The following AMPD3 variants were observed in gnomAD, a reference collection of about 807,000 sequenced individuals.
AMPD3 encodes adenosine monophosphate deaminase 3.
In AMPD3, 57 loss-of-function variants were observed where a neutral mutation model predicts 82.3. The ratio of observed to expected loss-of-function variants is 0.69; its 90% CI spans 0.56 to 0.86. AMPD3 has a LOEUF of 0.86. Ranked by LOEUF, AMPD3 falls within the 40% of genes least tolerant of loss-of-function variation. The probability of loss-of-function intolerance (pLI) is 0.00; values close to 1 mark genes in which losing one functional copy is unlikely to be tolerated. For missense variants in AMPD3, 870 were observed against 1,003.8 expected, an observed-to-expected ratio of 0.87 and a Z score of 1.80; for synonymous variants, 381 against 394.7, an observed-to-expected ratio of 0.97 and a Z score of 0.41.
At chr11:10,450,716 G>C (rs528385857), upstream of AMPD3, 5 of 1,096,006 alleles carry the variant, frequency 4.6e-6, no homozygotes, top group Non-Finnish European at 4.4e-6. Flanking sequence ...GGCGCGGCCC[G>C]GGCGCTTCAG....
At chr11:10,461,214 C>T (rs997661159) in intron 1 of AMPD3, 3 of 1,270,930 alleles carry the variant, frequency 2.4e-6, no homozygotes, top group Non-Finnish European at 2.0e-6. Flanking sequence ...GAGGGCAGGG[C>T]TGCCAGGTGC....
chr11:10,465,137 T>C (rs1848382589), intron 2 of AMPD3, among the ~76,000 whole-genome samples: 1 of 152,226 alleles, frequency 6.6e-6, no homozygotes, highest in South Asian at 2.1e-4. Context: ...GCGCAGTGCT[T>C]GGAGCACCAT....
At chr11:10,502,456 G>C in intron 12 of AMPD3, 1 of 985,478 alleles carries the variant, frequency 1.0e-6, no homozygotes, top group Non-Finnish European at 1.2e-6. Context: ...CTTGCCTCCA[G>C]TTTGGAGCAA....
chr11:10,495,019 CG>C lies in AMPD3; in HGVS notation c.1257del (p.Met420TrpfsTer101), dbSNP rs762492194. 1 of 1,614,172 alleles carries C rather than the reference CG, an allele frequency of 6.2e-7. No individual in the cohort carries two copies. Among genetic ancestry groups the C allele is most frequent in the Non-Finnish European group, 8.5e-7 (1 of 1,180,024 alleles). On this transcript the variant is annotated frameshift_variant, in exon 8 of 15. Transcript: ENST00000396553. LOFTEE classifies it high-confidence loss of function. ...ENYLGGEYFA[R>X]MVKEVARELE... ...CTATCTGGGAGGAGAGTACTTTGCT[CG>C]GATGGTCAAGGTGAGTGAACCCTCA...
intron 10 of AMPD3, 50 bp downstream of exon 10, chr11:10,496,988 A>G: frequency 6.2e-7 from 1 of 1,604,920 alleles, no homozygotes; most frequent in Admixed American, 1.7e-5. Flanking sequence ...AGAGGCAGGA[A>G]TGGATTCGCT....
chr11:10,495,295 C>A, intron 8 of AMPD3: 1 of 985,466 alleles, frequency 1.0e-6, no homozygotes, highest in Non-Finnish European at 1.2e-6. Context: ...CGTGTCTCTG[C>A]AGCCTGAACC....
Position 10,487,241 on chromosome 11 carries a change from C to T in AMPD3, c.816C>T (p.Thr272=), listed in dbSNP as rs1313616295. 86 of 1,614,024 alleles carry T rather than the reference C, an allele frequency of 5.3e-5. No individual in the cohort carries two copies. Among genetic ancestry groups the T allele is most frequent in the Non-Finnish European group, 7.2e-5 (85 of 1,180,012 alleles). The change falls in exon 6 of 15, where the codon ACC becomes ACT. Residue 272 remains threonine, a synonymous_variant. Coordinates refer to ENST00000396553, the MANE Select transcript of AMPD3 (RefSeq NM_001025389.2). ...LALITDGPTK[T]YCHRRLNFLE... is the part of the protein sequence containing the mutation. The stretch of plus-strand genomic sequence containing the variant: ...CCCCATCTCCAACTTGCAGGAAAAC[C>T]TATTGTCACCGGCGACTGAACTTTC...
At chr11:10,459,657 G>A (rs566400860) in intron 1 of AMPD3, among the ~76,000 whole-genome samples, 2 of 152,322 alleles carry the variant, frequency 1.3e-5, no homozygotes, top group Admixed American at 1.3e-4. Context: ...TCCTCTTCCA[G>A]AGCTGCTCCC....
intron 2 of AMPD3, chr11:10,478,127 C>A: frequency 1.0e-6 from 1 of 985,410 alleles, no homozygotes; most frequent in Non-Finnish European, 1.2e-6. Flanking sequence ...TTTGTGTTAT[C>A]TGAAGCCAGC....
At chr11:10,451,769 T>C (rs1301080484), upstream of AMPD3, among the ~76,000 whole-genome samples, 6 of 152,228 alleles carry the variant, frequency 3.9e-5, no homozygotes, top group Non-Finnish European at 8.8e-5. Context: ...TGAGCCCCTG[T>C]TGGCTTTCCC....
At chr11:10,469,690 C>T (rs1848527927) in intron 2 of AMPD3, among the ~76,000 whole-genome samples, 1 of 152,210 alleles carries the variant, frequency 6.6e-6, no homozygotes, top group Non-Finnish European at 1.5e-5. Flanking sequence ...GATGCCAAAA[C>T]ATGGCAGAGA....
intron 2 of AMPD3, chr11:10,477,845 G>A (rs575716841): frequency 1.0e-6 from 1 of 980,652 alleles, no homozygotes; most frequent in South Asian, 4.7e-5. Context: ...GTGAGAAGTA[G>A]GCTGATCTTG....
At chr11:10,488,538 A>C in intron 6 of AMPD3, 6 of 599,138 alleles carry the variant, frequency 1.0e-5, no homozygotes, top group Non-Finnish European at 1.3e-5. Context: ...GAGCTCAGGC[A>C]TTGGGAGCGG....
At chr11:10,451,018 C>A (rs1474503725), upstream of AMPD3, 4 of 1,580,678 alleles carry the variant, frequency 2.5e-6, no homozygotes, top group Non-Finnish European at 3.4e-6. Flanking sequence ...TTTCGGCCGG[C>A]GGCATGGCCC....
rs1848929393 is a variant in AMPD3, at chr11:10,482,186, C to A, written c.550C>A (p.Pro184Thr). 6.2e-7 allele frequency: 1 copy of A among 1,613,406 alleles called. No homozygotes were observed. The highest frequency in any genetic ancestry group is 1.3e-5 in the African/African-American group (1 of 74,932). The change falls in exon 4 of 15, where the codon CCG becomes ACG. Residue 184 changes from proline to threonine, a missense_variant. Coordinates refer to ENST00000396553, the MANE Select transcript of AMPD3 (RefSeq NM_001025389.2). ...GATCACATCCCAGTACCTGGGTCAT[C>A]CGCGGGCGGATACTGCACCTCCGGA... ...PRITSQYLGHPRADTAPPEEG... is the reference protein window; with the variant it reads ...PRITSQYLGHTRADTAPPEEG...
At position 10,455,427 on chromosome 11, in the gene AMPD3, C is replaced by T. The variant is rs1433884996; in HGVS notation, c.-27C>T. The T allele has an allele frequency of 2.0e-6, 2 of 985,156 alleles. No individual in the cohort carries two copies. The highest frequency in any genetic ancestry group is 6.2e-5 in the Admixed American group (1 of 16,240). The allele number at this position is 985,156 out of a possible 1,614,324, so 61.0% of individuals were successfully genotyped here. ...CAGCCAGCGCTCGGAGCTGGAGGCC[C>T]ACGTGGGAGCAGTGAGCGGCTGTAA... is the stretch of plus-strand genomic sequence containing the variant. On this transcript the variant is annotated 5_prime_UTR_variant, in exon 1 of 15. Coordinates refer to ENST00000396553, the MANE Select transcript of AMPD3 (RefSeq NM_001025389.2).
chr11:10,505,819 T>C lies in AMPD3; in HGVS notation c.2239T>C (p.Cys747Arg), dbSNP rs774955166. The change falls in exon 15 of 15, where the codon TGC becomes CGC. Residue 747 changes from cysteine to arginine, a missense_variant. Coordinates refer to ENST00000396553, the MANE Select transcript of AMPD3 (RefSeq NM_001025389.2). ...IRMAFRYETL[C>R]NELSFLSDAM... Reference sequence around the variant, plus strand: ...GATGGCATTCCGATATGAGACCTTATGCAATGAGCTCAGCTTCCTGTCTGA... The same window carrying C: ...GATGGCATTCCGATATGAGACCTTACGCAATGAGCTCAGCTTCCTGTCTGA... The C allele has an allele frequency of 6.2e-6, 10 of 1,614,096 alleles. No individual in the cohort carries two copies. Among genetic ancestry groups the C allele is most frequent in the Middle Eastern group, 1.6e-4 (1 of 6,084 alleles).
In AMPD3 at chr11:10,456,572, G is replaced by T; in HGVS notation, c.-6+1124G>T. The T allele has an allele frequency of 1.0e-6, 1 of 985,470 alleles. No individual in the cohort carries two copies. The highest frequency in any genetic ancestry group is 1.2e-6 in the Non-Finnish European group (1 of 829,934). 61.0% of individuals were successfully genotyped at this position (985,470 alleles called of 1,614,324 possible). On this transcript the variant is annotated intron_variant, in intron 1 of 14. Coordinates refer to ENST00000396553, the MANE Select transcript of AMPD3 (RefSeq NM_001025389.2). This position sits in a 1 kb window ranked among gnomAD's most constrained non-coding sequence, Gnocchi z 4.3. ...GTGTTTTAGAACTTTCTAACTTTGG[G>T]ACACTTCTTCAAGTTCATCAGAGCG...
chr11:10,461,537 C>G lies in AMPD3; in HGVS notation c.18C>G (p.Pro6=). ...TAGCTGAGATGCCGCGGCAGTTTCCCAAGCTGAACATCTCTGAAGTGGATG... is the reference window on the plus strand; with the variant it reads ...TAGCTGAGATGCCGCGGCAGTTTCCGAAGCTGAACATCTCTGAAGTGGATG... MPRQF[P]KLNISEVDEQ... Residue 6 remains proline (P), a synonymous_variant, in exon 2 of 15, where the codon CCC becomes CCG. Transcript: ENST00000396553. 6.2e-7 allele frequency: 1 copy of G among 1,614,180 alleles called. No individual in the cohort carries two copies. The highest frequency in any genetic ancestry group is 8.5e-7 in the Non-Finnish European group (1 of 1,180,028).
Sources: gnomAD v4.1 joint callset for allele counts (sites outside exome capture counted in the v4.1 genomes callset) on GRCh38, gnomAD v4.1.1 for gene constraint, Gnocchi (gnomAD v3.1) non-coding constraint, MANE v1.5 for transcripts, NCBI Gene and HGNC (gene_info 2026-07-23, HGNC 2026-07-21) for gene names.